The following GREB1 variants were observed in gnomAD, a reference collection of about 807,000 sequenced individuals.
GREB1 encodes the protein growth regulating estrogen receptor binding 1.
Under a neutral mutation model 200.7 loss-of-function variants are expected in GREB1, and 106 were observed. That is an observed-to-expected ratio of 0.53 (90% confidence interval 0.45 to 0.62). GREB1 has a LOEUF of 0.62. Ranked by LOEUF, GREB1 falls within the 20% of genes least tolerant of loss-of-function variation. GREB1 has a pLI of 0.00. For missense variants in GREB1, 2,243 were observed against 2,556.8 expected, an observed-to-expected ratio of 0.88 and a Z score of 2.65; for synonymous variants, 1,132 against 1,092.4, an observed-to-expected ratio of 1.04 and a Z score of -0.72.
rs386354826 is a variant in GREB1 at position 11,546,943 on chromosome 2, C to CTT, written c.-161-9492_-161-9491dup. ...GAATTTTACATTCTGCTAGTTTAAACTTTTTTTTTTTTTTTTTTTTGAGAT... is the reference window on the plus strand; with the variant it reads ...GAATTTTACATTCTGCTAGTTTAAACTTTTTTTTTTTTTTTTTTTTTTGAGAT... On this transcript the variant is annotated intron_variant, in intron 1 of 32. Coordinates refer to ENST00000381486, the MANE Select transcript of GREB1 (RefSeq NM_014668.4). 5.9e-3 allele frequency among the ~76,000 whole-genome samples: 732 copies of CTT among 123,464 alleles called. 18 individuals are homozygous for CTT. Among genetic ancestry groups the CTT allele is most frequent in the African/African-American group, 0.02 (684 of 34,886 alleles). The allele number at this position is 123,464 out of a possible 152,430, so 81.0% of individuals were successfully genotyped here.
At chr2:11,503,108 C>G (rs916290833) in intron 1 of GREB1, among the ~76,000 whole-genome samples, 3 of 126,364 alleles carry the variant, frequency 2.4e-5, no homozygotes, top group African/African-American at 9.1e-5. Context: ...AAATCACTCT[C>G]ATCTTATTTC....
intron 1 of GREB1, among the ~76,000 whole-genome samples, chr2:11,516,572 G>C (rs1311479152): frequency 6.6e-6 from 1 of 152,134 alleles, no homozygotes; most frequent in Non-Finnish European, 1.5e-5. Flanking sequence ...CCCACCCCAA[G>C]TCCCAGCTGT....
At chr2:11,483,810 C>A (rs1019260277) in intron 1 of GREB1, among the ~76,000 whole-genome samples, 2 of 29,210 alleles carry the variant, frequency 6.8e-5, no homozygotes, top group Non-Finnish European at 1.3e-4. Context: ...GGCCATTTTG[C>A]TGTCAACTCT....
In GREB1 at chr2:11,578,341, CT is replaced by C. The variant is rs1558574454; in HGVS notation, c.683del (p.Leu228ProfsTer24). 6.2e-7 allele frequency: 1 copy of C among 1,614,154 alleles called. No individual in the cohort carries two copies. The highest frequency in any genetic ancestry group is 1.1e-5 in the South Asian group (1 of 91,086). On this transcript the variant is annotated frameshift_variant, in exon 6 of 33. Transcript: ENST00000381486. LOFTEE classifies it high-confidence loss of function. ...QIPASTCSSS[L>X]FPALESTAAF... ...CCCCGCCAGTACTTGTTCCAGTTCC[CT>C]CTTCCCAGCCCTGGAGAGCACGGCT...
intron 1 of GREB1, among the ~76,000 whole-genome samples, chr2:11,496,966 A>C (rs568594803): frequency 6.6e-6 from 1 of 152,138 alleles, no homozygotes; most frequent in Non-Finnish European, 1.5e-5. Context: ...GCTAATTAAA[A>C]ACATTATTTT....
intron 1 of GREB1, among the ~76,000 whole-genome samples, chr2:11,503,545 AC>A (rs1195515007): frequency 1.3e-5 from 2 of 152,178 alleles, no homozygotes; most frequent in African/African-American, 4.8e-5. Context: ...TTGCTAGGTT[AC>A]GTGGTATGTG....
intron 1 of GREB1, among the ~76,000 whole-genome samples, chr2:11,503,031 A>T (rs901687109): frequency 1.3e-5 from 2 of 152,226 alleles, no homozygotes; most frequent in Non-Finnish European, 2.9e-5. Context: ...GCTGCTGCAG[A>T]GGTGCCTGGT....
At chr2:11,539,149 C>G (rs978354684) in intron 1 of GREB1, among the ~76,000 whole-genome samples, 1 of 151,480 alleles carries the variant, frequency 6.6e-6, no homozygotes, top group African/African-American at 2.4e-5. Flanking sequence ...GCCTCCTGGG[C>G]TCAAGCGATC....
chr2:11,632,180 A>C, intron 27 of GREB1, 67 bp downstream of exon 27: 2 of 1,136,712 alleles, frequency 1.8e-6, no homozygotes, highest in Non-Finnish European at 2.6e-6. Context: ...AGAGTGTTCT[A>C]GAGACAAAAG....
chr2:11,571,963 C>T (rs969374809), intron 4 of GREB1, among the ~76,000 whole-genome samples: 6 of 152,124 alleles, frequency 3.9e-5, no homozygotes, highest in Admixed American at 2.0e-4. Flanking sequence ...CGCCTGCCTG[C>T]GCCTCCCAAA....
At chr2:11,592,067 A>G (rs553234998) in intron 10 of GREB1, 3 of 976,618 alleles carry the variant, frequency 3.1e-6, no homozygotes, top group Admixed American at 1.2e-4. Context: ...ACCACTGTAT[A>G]TGCACATAGG....
chr2:11,588,979 C>A (rs755807333), intron 10 of GREB1, 48 bp downstream of exon 10: 4 of 1,499,454 alleles, frequency 2.7e-6, no homozygotes, highest in African/African-American at 1.4e-5. Flanking sequence ...TGGCCACAGC[C>A]CGAGCACAGA....
intron 10 of GREB1, among the ~76,000 whole-genome samples, chr2:11,590,535 CT>C (rs1680626579): frequency 6.6e-6 from 1 of 152,272 alleles, no homozygotes; most frequent in East Asian, 1.9e-4. Context: ...GGCTTGCTCC[CT>C]TATGTCCTTC....
intron 1 of GREB1, among the ~76,000 whole-genome samples, chr2:11,487,416 A>C (rs867435342): frequency 4.7e-4 from 71 of 152,296 alleles, no homozygotes; most frequent in African/African-American, 1.7e-3. Context: ...TTATGCCATC[A>C]TATTATGGGC....
rs147994999 is a variant in GREB1 at position 11,547,780 on chromosome 2, A to G, written c.-161-8674A>G. Among the ~76,000 whole-genome samples, 1,244 of 152,208 alleles carry G rather than the reference A, an allele frequency of 8.2e-3. 6 individuals are homozygous for G. Among genetic ancestry groups the G allele is most frequent in the Middle Eastern group, 0.014 (4 of 294 alleles). ...TCTCTGGAATTACCTCTTTATTTCC[A>G]AATAACAACTGGTGTTGCAATTTAT... On this transcript the variant is annotated intron_variant, in intron 1 of 32. Transcript: ENST00000381486.
intron 1 of GREB1, among the ~76,000 whole-genome samples, chr2:11,534,947 G>T (rs1476735392): frequency 6.6e-6 from 1 of 152,198 alleles, no homozygotes; most frequent in Non-Finnish European, 1.5e-5. Flanking sequence ...GGGTGCTCAG[G>T]ACAGAATCAG....
chr2:11,510,731 C>T (rs900525468), intron 1 of GREB1, among the ~76,000 whole-genome samples: 1 of 149,046 alleles, frequency 6.7e-6, no homozygotes, highest in Non-Finnish European at 1.5e-5. Flanking sequence ...CTCTTGTCAC[C>T]CAGGCTGGAA....
chr2:11,551,373 A>G (rs1217936009), intron 1 of GREB1, among the ~76,000 whole-genome samples: 1 of 152,220 alleles, frequency 6.6e-6, no homozygotes, highest in Non-Finnish European at 1.5e-5. Context: ...TCCTATTGAA[A>G]GAGTGTCTGC....
chr2:11,547,169 C>A (rs554394764), intron 1 of GREB1, among the ~76,000 whole-genome samples: 1 of 152,288 alleles, frequency 6.6e-6, no homozygotes, highest in African/African-American at 2.4e-5. Context: ...TGTCGAACTC[C>A]TGACCTCAAG....
Sources: gnomAD v4.1 joint callset for allele counts (sites outside exome capture counted in the v4.1 genomes callset) on GRCh38, gnomAD v4.1.1 for gene constraint, MANE v1.5 for transcripts, NCBI Gene and HGNC (gene_info 2026-07-23, HGNC 2026-07-21) for gene names.